Variants in CELF5 observed in about 807,000 individuals in gnomAD.
CELF5 encodes the protein CUG-BP and ETR-3 like factor 5.
CELF5 carries 6 observed loss-of-function variants against 54.9 expected under a neutral mutation model. The ratio of observed to expected loss-of-function variants is 0.11; its 90% CI spans 0.06 to 0.22. The LOEUF (loss-of-function observed/expected upper bound fraction) is 0.22. Ranked by LOEUF, CELF5 falls within the 10% of genes least tolerant of loss-of-function variation. The pLI is 1.00. For missense variants in CELF5, 401 were observed against 678.6 expected (o/e 0.59, Z 4.54); for synonymous variants, 271 against 290.9 (o/e 0.93, Z 0.70).
chr19:3,228,984 T>C lies in CELF5; in HGVS notation c.259+3986T>C, dbSNP rs1917115986. Among the ~76,000 whole-genome samples, 1 of 152,000 alleles carries C rather than the reference T, an allele frequency of 6.6e-6. No homozygotes were observed. The highest frequency in any genetic ancestry group is 6.6e-5 in the Admixed American group (1 of 15,256). The stretch of plus-strand genomic sequence containing the variant: ...TGGCTTCAAGCTGAGCGCGCCCCTC[T>C]CTGTGCCTCGTTTTCCCCTGCTGCA... On this transcript the variant is annotated intron_variant, in intron 1 of 12. Transcript: ENST00000292672. This position sits in a 1 kb window ranked among gnomAD's most constrained non-coding sequence, Gnocchi z 6.0.
chr19:3,262,086 G>A (rs1257605723), intron 2 of CELF5, among the ~76,000 whole-genome samples: 1 of 152,042 alleles, frequency 6.6e-6, no homozygotes, highest in Admixed American at 6.6e-5. Flanking sequence ...CCAGGCTGGC[G>A]TGCAGTGGCG....
intron 1 of CELF5, among the ~76,000 whole-genome samples, chr19:3,238,006 G>C (rs1024877648): frequency 6.6e-6 from 1 of 151,582 alleles, no homozygotes; most frequent in Admixed American, 6.6e-5. Flanking sequence ...CCGAGATCAC[G>C]CCACTGCACT....
At chr19:3,245,065 G>T (rs2079546453) in intron 1 of CELF5, among the ~76,000 whole-genome samples, 1 of 148,530 alleles carries the variant, frequency 6.7e-6, no homozygotes, top group Non-Finnish European at 1.5e-5. Flanking sequence ...TATGTGTTGT[G>T]TGTGTATGCA....
At chr19:3,233,577 C>A (rs367923962) in intron 1 of CELF5, among the ~76,000 whole-genome samples, 1 of 152,116 alleles carries the variant, frequency 6.6e-6, no homozygotes, top group Non-Finnish European at 1.5e-5. Context: ...AAGGGAAAGG[C>A]GTTCCAGGAA....
intron 2 of CELF5, among the ~76,000 whole-genome samples, chr19:3,271,182 G>A (rs1173010730): frequency 6.6e-6 from 1 of 150,932 alleles, no homozygotes; most frequent in Non-Finnish European, 1.5e-5. Flanking sequence ...GAGGGCCAAC[G>A]GAGGTGGGGT....
chr19:3,283,132 C>G (rs1282324453), intron 8 of CELF5, among the ~76,000 whole-genome samples: 1 of 152,182 alleles, frequency 6.6e-6, no homozygotes, highest in Non-Finnish European at 1.5e-5. Flanking sequence ...GGGGAGATAT[C>G]AATGCCTGGA....
intron 1 of CELF5, 22 bp from the exon 2 acceptor site, chr19:3,250,962 AC>A: frequency 6.3e-7 from 1 of 1,597,452 alleles, no homozygotes; most frequent in Non-Finnish European, 8.6e-7. Flanking sequence ...CTCTCTTAAC[AC>A]CCCCGTTTCT....
chr19:3,290,141 C>T, intron 10 of CELF5, 90 bp from the exon 11 acceptor site: 3 of 973,174 alleles, frequency 3.1e-6, no homozygotes, highest in East Asian at 5.0e-5. Context: ...CTGGAGAAGC[C>T]AGATGCGGGC....
chr19:3,257,945 G>A (rs912099507), intron 2 of CELF5, among the ~76,000 whole-genome samples: 3 of 150,754 alleles, frequency 2.0e-5, no homozygotes, highest in African/African-American at 7.3e-5. Flanking sequence ...GACCACAGGT[G>A]CACACCACCA....
At chr19:3,225,116 C>A (rs2144947206) in intron 1 of CELF5, 118 bp downstream of exon 1, 1 of 667,188 alleles carries the variant, frequency 1.5e-6, no homozygotes, top group African/African-American at 2.1e-5. Context: ...CTGCCTGCCT[C>A]TGCCGGAGCA....
chr19:3,264,336 T>C (rs7249700), intron 2 of CELF5, among the ~76,000 whole-genome samples: 38,247 of 149,294 alleles, frequency 0.26, 5,350 homozygotes, highest in African/African-American at 0.34. Context: ...CCTTTTAACC[T>C]AACATAAATG....
chr19:3,238,079 C>T (rs1468843935), intron 1 of CELF5, among the ~76,000 whole-genome samples: 1 of 151,778 alleles, frequency 6.6e-6, no homozygotes, highest in South Asian at 2.1e-4. Flanking sequence ...CTTGGCCGGG[C>T]GCCATGGGTC....
In CELF5 at chr19:3,250,981, C is replaced by G; in HGVS notation, c.260-4C>G. The G allele has an allele frequency of 6.2e-7, 1 of 1,613,056 alleles. No homozygotes were observed. Among genetic ancestry groups the G allele is most frequent in the Admixed American group, 1.7e-5 (1 of 60,010 alleles). On this transcript the variant is annotated splice_region_variant and splice_polypyrimidine_tract_variant and intron_variant, in intron 1 of 12. Coordinates refer to ENST00000292672, the MANE Select transcript of CELF5 (RefSeq NM_021938.4). ...CTTAACACCCCCGTTTCTCTCCCTT[C>G]CAGGCTGTGCCTTCCTCACCTACTG... is the stretch of plus-strand genomic sequence containing the variant.
At chr19:3,253,910 C>T (rs1267094468) in intron 2 of CELF5, among the ~76,000 whole-genome samples, 1 of 152,172 alleles carries the variant, frequency 6.6e-6, no homozygotes, top group Admixed American at 6.5e-5. Context: ...CACTTCTCCC[C>T]CATTCCTTTG....
At chr19:3,242,893 G>C (rs929379770) in intron 1 of CELF5, among the ~76,000 whole-genome samples, 1 of 152,126 alleles carries the variant, frequency 6.6e-6, no homozygotes, top group Non-Finnish European at 1.5e-5. Flanking sequence ...GAACCTGGGA[G>C]GTGGAGGTTG....
intron 2 of CELF5, among the ~76,000 whole-genome samples, chr19:3,263,044 G>A (rs1311019161): frequency 6.6e-6 from 1 of 151,360 alleles, no homozygotes; most frequent in East Asian, 1.9e-4. Flanking sequence ...TCAGGAGTTC[G>A]AGACCAGTCT....
chr19:3,239,346 G>A (rs960271461), intron 1 of CELF5, among the ~76,000 whole-genome samples: 2 of 151,416 alleles, frequency 1.3e-5, no homozygotes, highest in Non-Finnish European at 2.9e-5. Flanking sequence ...CAATCCTCCC[G>A]CCTCAGCCTC....
At position 3,228,791 on chromosome 19, in the gene CELF5, G is replaced by C. The variant is rs977052092; in HGVS notation, c.259+3793G>C. Among the ~76,000 whole-genome samples the C allele has an allele frequency of 6.6e-6, 1 of 151,978 alleles. No individual in the cohort carries two copies. Among genetic ancestry groups the C allele is most frequent in the South Asian group, 2.1e-4 (1 of 4,818 alleles). On this transcript the variant is annotated intron_variant, in intron 1 of 12. Transcript: ENST00000292672. The surrounding 1 kb of genome is among the most constrained non-coding windows in gnomAD (Gnocchi z 6.0). ...GAGAAGGCGGGCTGGGCGGCCTGGC[G>C]GGGGGACCGCGGGAGCAGTTGGCAC...
At chr19:3,231,632 A>G (rs1599382262) in intron 1 of CELF5, among the ~76,000 whole-genome samples, 1 of 146,986 alleles carries the variant, frequency 6.8e-6, no homozygotes, top group African/African-American at 2.5e-5. Context: ...TGGATGGTAG[A>G]TGGGTGGATG....
Sources: gnomAD v4.1 joint callset for allele counts (sites outside exome capture counted in the v4.1 genomes callset) on GRCh38, gnomAD v4.1.1 for gene constraint, Gnocchi (gnomAD v3.1) non-coding constraint, MANE v1.5 for transcripts, NCBI Gene and HGNC (gene_info 2026-07-23, HGNC 2026-07-21) for gene names.